ZC3HAV1: variants seen among roughly 807,000 people sequenced by gnomAD.
The protein encoded by ZC3HAV1 is zinc finger CCCH-type antiviral protein 1.
ZC3HAV1 carries 41 observed loss-of-function variants against 86.6 expected under a neutral mutation model. The ratio of observed to expected loss-of-function variants is 0.47; its 90% confidence interval spans 0.37 to 0.61. ZC3HAV1 has a LOEUF of 0.61. Among genes scored for constraint, ZC3HAV1 ranks in the 20% least tolerant of loss-of-function variants. ZC3HAV1 has a pLI of 0.00. For synonymous variants in ZC3HAV1, 421 were observed against 432.1 expected (o/e 0.97, Z 0.32); for missense variants, 964 against 1,141.1 (o/e 0.84, Z 2.24).
chr7:139,057,445 T>C (rs2130671117), intron 9 of ZC3HAV1, among the ~76,000 whole-genome samples: 1 of 152,206 alleles, frequency 6.6e-6, no homozygotes, highest in South Asian at 2.1e-4. Flanking sequence ...ATATTGACAG[T>C]GTTTAAGTTG....
intron 7 of ZC3HAV1, among the ~76,000 whole-genome samples, chr7:139,067,389 G>A (rs1381125851): frequency 3.3e-5 from 5 of 152,178 alleles, no homozygotes; most frequent in Non-Finnish European, 5.9e-5. Flanking sequence ...GACCTCAGGT[G>A]ATCCGCCTGC....
intron 3 of ZC3HAV1, among the ~76,000 whole-genome samples, chr7:139,083,453 G>A (rs1306922679): frequency 6.6e-6 from 1 of 152,140 alleles, no homozygotes; most frequent in Non-Finnish European, 1.5e-5. Flanking sequence ...AATTGGCCGG[G>A]TGCAGTGGCT....
intron 1 of ZC3HAV1, among the ~76,000 whole-genome samples, chr7:139,099,699 G>A (rs1310092352): frequency 1.3e-5 from 2 of 152,138 alleles, no homozygotes; most frequent in Non-Finnish European, 1.5e-5. Context: ...GGCCCAGGAG[G>A]GCAGATCACC....
At chr7:139,092,387 C>A (rs753682162) in intron 1 of ZC3HAV1, among the ~76,000 whole-genome samples, 5 of 152,188 alleles carry the variant, frequency 3.3e-5, no homozygotes, top group Non-Finnish European at 7.3e-5. Context: ...AAGGGAGAGT[C>A]TAAAGACAGG....
chr7:139,054,969 C>T (rs1027556524), intron 10 of ZC3HAV1, among the ~76,000 whole-genome samples: 2 of 151,932 alleles, frequency 1.3e-5, no homozygotes, highest in African/African-American at 4.8e-5. Context: ...TTTGTATTTT[C>T]GGTAGAGACA....
intron 1 of ZC3HAV1, among the ~76,000 whole-genome samples, chr7:139,099,916 A>AAAATAAAT (rs112469477): frequency 0.2 from 30,478 of 149,944 alleles, 3,316 homozygotes; most frequent in East Asian, 0.41. Context: ...GACAGAACAA[A>AAAATAAAT]AAATAAATAA....
Position 139,108,929 on chromosome 7 carries a change from C to G in ZC3HAV1, c.308+95G>C. On this transcript the variant is annotated intron_variant, in intron 1 of 12. Coordinates refer to ENST00000242351, the MANE Select transcript of ZC3HAV1 (RefSeq NM_020119.4). The surrounding 1 kb of genome is among the most constrained non-coding windows in gnomAD (Gnocchi z 4.2). The stretch of plus-strand genomic sequence containing the variant: ...GGCGGAGGCTGTCAGGTGCGGGGTC[C>G]CGGCGAAGCCGTGCCCCTCCCAGAA... The G allele has an allele frequency of 7.0e-7, 1 of 1,418,766 alleles. No homozygotes were observed. The highest frequency in any genetic ancestry group is 9.3e-7 in the Non-Finnish European group (1 of 1,070,114). 87.9% of individuals were successfully genotyped at this position (1,418,766 alleles called of 1,614,324 possible).
In ZC3HAV1 at chr7:139,073,959, G is replaced by C. The variant is rs572573665; in HGVS notation, c.1769C>G (p.Ser590Cys). The C allele has an allele frequency of 1.9e-5, 31 of 1,614,066 alleles. No homozygotes were observed. In the South Asian group the frequency reaches 2.6e-4, roughly 14 times the overall value. Residue 590 changes from serine (S) to cysteine (C), a missense_variant, in exon 7 of 13, where the codon TCC becomes TGC. By Grantham distance (112) the Ser-to-Cys change is moderately radical. Coordinates refer to ENST00000242351, the MANE Select transcript of ZC3HAV1 (RefSeq NM_020119.4). Reference protein sequence around the residue: ...SCDSFPIRRLSTPSSVTKPAN... With the variant: ...SCDSFPIRRLCTPSSVTKPAN... ...TGGCTTGGTGACAGAAGAAGGAGTG[G>C]AGAGGCGTCGGATGGGAAAGGAATC... is the stretch of plus-strand genomic sequence containing the variant.
In ZC3HAV1 at chr7:139,108,048, C is replaced by A. The variant is rs1272093648; in HGVS notation, c.308+976G>T. 3.3e-5 allele frequency among the ~76,000 whole-genome samples: 5 copies of A among 152,086 alleles called. No homozygotes were observed. Among genetic ancestry groups the A allele is most frequent in the Non-Finnish European group, 7.4e-5 (5 of 68,012 alleles). On this transcript the variant is annotated intron_variant, in intron 1 of 12. Transcript: ENST00000242351. The surrounding 1 kb of genome is among the most constrained non-coding windows in gnomAD (Gnocchi z 4.2). The stretch of plus-strand genomic sequence containing the variant: ...TGACAGATTGTGAGGAGGATTAAAA[C>A]CCTGCCTGGGGGAAAAGATGAGTTT...
rs1406025720 is a variant in ZC3HAV1 at position 139,079,661 on chromosome 7, A to G, written c.1280T>C (p.Leu427Pro). ...SGTQDIQPGP[L>P]FNNNADGVAT... ...CACTCCATCAGCATTATTATTAAAA[A>G]GAGGGCCAGGCTGGATGTCCTGAGT... The change falls in exon 4 of 13, where the codon CTT (leucine) becomes CCT (proline). Residue 427 changes from leucine to proline, a missense_variant. Physicochemically the swap from Leu to Pro is moderately conservative, Grantham distance 98. Transcript: ENST00000242351. 6.2e-7 allele frequency: 1 copy of G among 1,614,256 alleles called. No homozygotes were observed. Among genetic ancestry groups the G allele is most frequent in the Admixed American group, 1.7e-5 (1 of 60,032 alleles).
At chr7:139,097,497 C>T (rs1325605747) in intron 1 of ZC3HAV1, among the ~76,000 whole-genome samples, 2 of 141,380 alleles carry the variant, frequency 1.4e-5, no homozygotes, top group Non-Finnish European at 3.0e-5. Flanking sequence ...TGCAGTGGCG[C>T]GATCTCGGCT....
At chr7:139,089,101 CAAAAAAAAAAA>C (rs1195760878) in intron 2 of ZC3HAV1, among the ~76,000 whole-genome samples, 10 of 20,684 alleles carry the variant, frequency 4.8e-4, no homozygotes, top group South Asian at 2.7e-3. Flanking sequence ...GACTCCATCT[CAAAAAAAAAAA>C]AAAAAAAAAA....
At chr7:139,084,608 C>T (rs932572653) in intron 2 of ZC3HAV1, among the ~76,000 whole-genome samples, 2 of 152,184 alleles carry the variant, frequency 1.3e-5, no homozygotes, top group African/African-American at 4.8e-5. Context: ...CTGGAGGATG[C>T]TGGTTTTAAA....
Position 139,054,822 on chromosome 7 carries a change from C to T in ZC3HAV1, c.2187+383G>A, listed in dbSNP as rs148458167. Among the ~76,000 whole-genome samples the T allele has an allele frequency of 2.0e-3, 298 of 152,232 alleles. 1 individual carries two copies. The highest frequency in any genetic ancestry group is 3.7e-3 in the Non-Finnish European group (250 of 67,998). On this transcript the variant is annotated intron_variant, in intron 10 of 12. Coordinates refer to ENST00000242351, the MANE Select transcript of ZC3HAV1 (RefSeq NM_020119.4). The stretch of plus-strand genomic sequence containing the variant: ...GAGTCTCACTCTGTCGCCCAGGCTG[C>T]AGTGCAGTGGGCAGGAGTGCAGTGG...
At chr7:139,067,007 T>C (rs1816624869) in intron 7 of ZC3HAV1, among the ~76,000 whole-genome samples, 1 of 152,230 alleles carries the variant, frequency 6.6e-6, no homozygotes. Flanking sequence ...CTGATGCTGC[T>C]GGTCTGTGGA....
intron 1 of ZC3HAV1, among the ~76,000 whole-genome samples, chr7:139,101,735 T>A (rs1344858759): frequency 6.6e-6 from 1 of 151,448 alleles, no homozygotes; most frequent in Non-Finnish European, 1.5e-5. Flanking sequence ...CTGAAACATG[T>A]GCTGTGTCCA....
intron 7 of ZC3HAV1, among the ~76,000 whole-genome samples, chr7:139,065,490 A>G (rs556005929): frequency 4.6e-5 from 7 of 152,230 alleles, no homozygotes; most frequent in Non-Finnish European, 7.3e-5. Flanking sequence ...GTGTTCAAAT[A>G]TAAATAACCT....
chr7:139,074,092 G>T (rs528248794), intron 6 of ZC3HAV1, 62 bp from the exon 7 acceptor site: 4 of 1,500,742 alleles, frequency 2.7e-6, no homozygotes, highest in Non-Finnish European at 3.6e-6. Flanking sequence ...CTACAATCTC[G>T]TCTTCCCTAA....
rs778841555 is a variant in ZC3HAV1, at chr7:139,080,229, G to A, written c.712C>T (p.Arg238Cys). The A allele has an allele frequency of 4.3e-6, 7 of 1,613,974 alleles. No homozygotes were observed. Among genetic ancestry groups the A allele is most frequent in the South Asian group, 1.1e-5 (1 of 91,070 alleles). Residue 238 changes from arginine to cysteine, a missense_variant, in exon 4 of 13, where the codon CGT becomes TGT. Arg to Cys is a radical substitution (Grantham distance 180, BLOSUM62 -3). Transcript: ENST00000242351. Reference protein sequence around the residue: ...PPGPRAPSSHRRNMAYRARSK... With the variant: ...PPGPRAPSSHCRNMAYRARSK... ...CTAGCCCTATATGCCATGTTTCTAC[G>A]ATGTGAAGAAGGAGCTAAGGGGAAA... is the stretch of plus-strand genomic sequence containing the variant.
Sources: gnomAD v4.1 joint callset for allele counts (sites outside exome capture counted in the v4.1 genomes callset) on GRCh38, gnomAD v4.1.1 for gene constraint, Gnocchi (gnomAD v3.1) non-coding constraint, MANE v1.5 for transcripts, NCBI Gene and HGNC (gene_info 2026-07-23, HGNC 2026-07-21) for gene names.